CTNNA2: variants seen among roughly 807,000 people sequenced by gnomAD.
CTNNA2 encodes the protein catenin alpha 2, also known as catenin alpha-2.
Under a neutral mutation model 101.0 loss-of-function variants are expected in CTNNA2, and 42 were observed. The ratio of observed to expected loss-of-function variants is 0.42; its 90% CI spans 0.32 to 0.54. CTNNA2 has a LOEUF of 0.54. Among genes scored for constraint, CTNNA2 ranks in the 20% least tolerant of loss-of-function variants. CTNNA2 has a pLI of 0.14. For missense variants in CTNNA2, 871 were observed against 1,223.1 expected (o/e 0.71, Z 4.29); for synonymous variants, 450 against 456.4 (o/e 0.99, Z 0.18).
At chr2:79,699,950 AT>A (rs998351802) in intron 2 of CTNNA2, among the ~76,000 whole-genome samples, 1 of 148,630 alleles carries the variant, frequency 6.7e-6, no homozygotes, top group African/African-American at 2.5e-5. Flanking sequence ...CATATCACAT[AT>A]TTTTTATATA....
intron 7 of CTNNA2, among the ~76,000 whole-genome samples, chr2:79,956,093 C>T (rs1330578234): frequency 1.3e-5 from 2 of 152,184 alleles, no homozygotes; most frequent in East Asian, 3.9e-4. Flanking sequence ...GTAGTTTCAA[C>T]CCAAGAAGCT....
chr2:79,398,010 C>T (rs1412432744), intron 4 of CTNNA2, among the ~76,000 whole-genome samples: 1 of 152,032 alleles, frequency 6.6e-6, no homozygotes, highest in Non-Finnish European at 1.5e-5. Flanking sequence ...ATGTAATGCC[C>T]CTAGGGCTAA....
chr2:79,998,373 A>G (rs1046884767), intron 7 of CTNNA2, among the ~76,000 whole-genome samples: 5 of 152,212 alleles, frequency 3.3e-5, no homozygotes, highest in Non-Finnish European at 4.4e-5. Flanking sequence ...ATGATAGACA[A>G]TGAATAATGT....
At chr2:80,552,157 C>T (rs898492890) in intron 11 of CTNNA2, among the ~76,000 whole-genome samples, 1 of 151,910 alleles carries the variant, frequency 6.6e-6, no homozygotes, top group African/African-American at 2.4e-5. Flanking sequence ...GCAATAGTGA[C>T]AAAGATCACT....
intron 2 of CTNNA2, among the ~76,000 whole-genome samples, chr2:79,262,652 A>C (rs1161193344): frequency 6.6e-6 from 1 of 152,162 alleles, no homozygotes; most frequent in Non-Finnish European, 1.5e-5. Context: ...GCGAATTCTC[A>C]GGTCATGCTC....
chr2:79,793,802 T>C (rs1392566097), intron 3 of CTNNA2, among the ~76,000 whole-genome samples: 2 of 152,042 alleles, frequency 1.3e-5, no homozygotes, highest in African/African-American at 4.8e-5. Context: ...AATCAGATTT[T>C]ATTATTGCAC....
intron 7 of CTNNA2, among the ~76,000 whole-genome samples, chr2:80,291,686 T>A (rs1675263565): frequency 6.6e-6 from 1 of 152,190 alleles, no homozygotes; most frequent in East Asian, 1.9e-4. Flanking sequence ...GCAAGCTGGG[T>A]AGCAGTTTTT....
intron 7 of CTNNA2, among the ~76,000 whole-genome samples, chr2:80,339,272 G>A (rs1672020582): frequency 6.6e-6 from 1 of 152,098 alleles, no homozygotes. Flanking sequence ...GTTATAGCCA[G>A]ATAGTCATCA....
intron 15 of CTNNA2, among the ~76,000 whole-genome samples, chr2:80,591,455 C>CTTTTTTTTTTTTTTT (rs1553401282): frequency 1.0e-4 from 6 of 57,574 alleles, no homozygotes; most frequent in Non-Finnish European, 2.4e-4. Flanking sequence ...TCTGCACAGC[C>CTTTTTTTTTTTTTTT]TGTTTTTTTT....
intron 3 of CTNNA2, among the ~76,000 whole-genome samples, chr2:79,753,128 A>G (rs1468452012): frequency 2.6e-5 from 4 of 152,138 alleles, no homozygotes; most frequent in African/African-American, 7.2e-5. Flanking sequence ...ATCTGTGTGG[A>G]TCTCCCGTAC....
intron 3 of CTNNA2, among the ~76,000 whole-genome samples, chr2:79,350,958 G>A (rs1443115098): frequency 6.6e-6 from 1 of 152,102 alleles, no homozygotes; most frequent in Non-Finnish European, 1.5e-5. Context: ...GTCAGTTTAT[G>A]TTCTTTCCCC....
chr2:80,231,165 G>T (rs770315363), intron 7 of CTNNA2, among the ~76,000 whole-genome samples: 1 of 151,990 alleles, frequency 6.6e-6, no homozygotes, highest in Admixed American at 6.6e-5. Flanking sequence ...GTAGAGACAG[G>T]GTTTCACCAT....
At chr2:80,363,224 C>G (rs1042841727) in intron 7 of CTNNA2, among the ~76,000 whole-genome samples, 1 of 150,854 alleles carries the variant, frequency 6.6e-6, no homozygotes, top group Non-Finnish European at 1.5e-5. Flanking sequence ...AATATTTTTT[C>G]TTCAGAAATG....
chr2:80,213,362 T>A (rs1360855916), intron 7 of CTNNA2, among the ~76,000 whole-genome samples: 2 of 152,196 alleles, frequency 1.3e-5, no homozygotes, highest in Non-Finnish European at 2.9e-5. Flanking sequence ...GTGCTATAAA[T>A]TTCCCTCTAC....
At chr2:80,476,955 T>C (rs1014664469) in intron 9 of CTNNA2, among the ~76,000 whole-genome samples, 5 of 152,174 alleles carry the variant, frequency 3.3e-5, no homozygotes, top group African/African-American at 4.8e-5. Context: ...AAGAGGCCTT[T>C]TACTACCAGG....
At chr2:80,420,054 A>C (rs1232439078) in intron 9 of CTNNA2, among the ~76,000 whole-genome samples, 2 of 149,288 alleles carry the variant, frequency 1.3e-5, no homozygotes, top group Non-Finnish European at 3.0e-5. Context: ...AAAAAAAAAA[A>C]AAAAAAAAAC....
chr2:79,527,691 G>A (rs932708699), intron 1 of CTNNA2, among the ~76,000 whole-genome samples: 7 of 151,952 alleles, frequency 4.6e-5, no homozygotes, highest in African/African-American at 1.7e-4. Context: ...CATGAAGGTA[G>A]AAATGTCATT....
At chr2:79,810,600 A>G (rs1441552732) in intron 3 of CTNNA2, among the ~76,000 whole-genome samples, 1 of 151,122 alleles carries the variant, frequency 6.6e-6, no homozygotes, top group Non-Finnish European at 1.5e-5. Context: ...ATATGTATAC[A>G]TGTGCCATGT....
intron 7 of CTNNA2, among the ~76,000 whole-genome samples, chr2:80,308,106 GT>G (rs1396380004): frequency 1.3e-5 from 2 of 152,086 alleles, no homozygotes; most frequent in African/African-American, 4.8e-5. Flanking sequence ...GAGCCCTCCT[GT>G]TTTTCGTGGT....
Sources: allele counts gnomAD v4.1 joint callset (sites outside exome capture counted in the v4.1 genomes callset), GRCh38; gene constraint gnomAD v4.1.1; transcripts MANE v1.5; gene names NCBI Gene and HGNC (gene_info 2026-07-23, HGNC 2026-07-21).